DNAH9: variants seen among roughly 807,000 people sequenced by gnomAD.
DNAH9 encodes the protein DNAH9 variant protein.
Under a neutral mutation model 471.6 loss-of-function variants are expected in DNAH9, and 345 were observed. The ratio of observed to expected loss-of-function variants is 0.73; its 90% CI spans 0.67 to 0.80. The LOEUF (loss-of-function observed/expected upper bound fraction) is 0.80, where lower values mean the gene tolerates loss of function less well. DNAH9 is among the 30% of genes least tolerant of loss of function. The pLI is 0.00. For synonymous variants in DNAH9, 2,093 were observed against 2,123.6 expected, an observed-to-expected ratio of 0.99 and a Z score of 0.40; for missense variants, 5,407 against 5,609.2, an observed-to-expected ratio of 0.96 and a Z score of 1.15.
chr17:11,804,725 T>A (rs1186129342), intron 43 of DNAH9, among the ~76,000 whole-genome samples: 1 of 151,780 alleles, frequency 6.6e-6, no homozygotes, highest in Non-Finnish European at 1.5e-5. Context: ...AAACAAAAAA[T>A]TAGCCGAGCG....
intron 31 of DNAH9, among the ~76,000 whole-genome samples, chr17:11,745,419 C>T (rs978470810): frequency 6.6e-6 from 1 of 152,206 alleles, no homozygotes; most frequent in African/African-American, 2.4e-5. Flanking sequence ...AGAACCTCCA[C>T]TCAATCCTAC....
At chr17:11,729,770 TC>T (rs2075225687) in intron 28 of DNAH9, among the ~76,000 whole-genome samples, 1 of 152,220 alleles carries the variant, frequency 6.6e-6, no homozygotes, top group Admixed American at 6.5e-5. Context: ...GGAGCCAGCT[TC>T]CATCCACATA....
Position 11,669,676 on chromosome 17 carries a change from A to G in DNAH9, c.3235A>G (p.Lys1079Glu). The G allele has an allele frequency of 6.2e-7, 1 of 1,614,164 alleles. No individual in the cohort carries two copies. The highest frequency in any genetic ancestry group is 8.5e-7 in the Non-Finnish European group (1 of 1,180,012). The change falls in exon 17 of 69, where the codon AAG becomes GAG. Residue 1079 changes from lysine to glutamate, a missense_variant. By Grantham distance (56) the Lys-to-Glu change is moderately conservative (BLOSUM62 1). Coordinates refer to ENST00000262442, the MANE Select transcript of DNAH9 (RefSeq NM_001372.4). ...AGAGGTGTGCAGGCTGGAACCCATCAAGGTGTTTGACGGCTGGATGAAAAT... is the reference window on the plus strand; with the variant it reads ...AGAGGTGTGCAGGCTGGAACCCATCGAGGTGTTTGACGGCTGGATGAAAAT... ...YEEVCRLEPIKVFDGWMKIDI... is the reference protein window; with the variant it reads ...YEEVCRLEPIEVFDGWMKIDI...
chr17:11,688,095 AAAAAAG>A (rs1475939918), intron 19 of DNAH9, among the ~76,000 whole-genome samples: 67 of 143,490 alleles, frequency 4.7e-4, no homozygotes, highest in Non-Finnish European at 9.0e-4. Context: ...AAAAAAAAAA[AAAAAAG>A]AAAAAGCCAT....
Position 11,892,573 on chromosome 17 carries a change from T to G in DNAH9, c.11283+626T>G, listed in dbSNP as rs1442837391. 6.6e-6 allele frequency among the ~76,000 whole-genome samples: 1 copy of G among 152,168 alleles called. No individual in the cohort carries two copies. The highest frequency in any genetic ancestry group is 1.5e-5 in the Non-Finnish European group (1 of 68,026). On this transcript the variant is annotated intron_variant, in intron 58 of 68. Coordinates refer to ENST00000262442, the MANE Select transcript of DNAH9 (RefSeq NM_001372.4). This position sits in a 1 kb window ranked among gnomAD's most constrained non-coding sequence, Gnocchi z 4.3. ...TTACTTCCTTTTTTTTATTTTGAGA[T>G]GGAGTCTCACTCTGTTGTCCAGGCT...
chr17:11,930,178 G>C, intron 63 of DNAH9, 85 bp downstream of exon 63: 1 of 1,192,266 alleles, frequency 8.4e-7, no homozygotes, highest in Non-Finnish European at 1.2e-6. Flanking sequence ...ATGCAACTCA[G>C]AAGGGAGTCG....
Position 11,800,203 on chromosome 17 carries a change from G to A in DNAH9, c.8420+2410G>A, listed in dbSNP as rs1343298313. Among the ~76,000 whole-genome samples the A allele has an allele frequency of 2.0e-5, 3 of 151,940 alleles. No individual in the cohort carries two copies. The East Asian group carries it at 5.8e-4, about 29-fold the overall frequency. ...CGTCTTCCCGTCATCAAATCTAACA[G>A]CCTATGTGTATCCCTGCATCCCTCC... On this transcript the variant is annotated intron_variant, in intron 43 of 68. Coordinates refer to ENST00000262442, the MANE Select transcript of DNAH9 (RefSeq NM_001372.4).
At chr17:11,763,994 C>T (rs940195990) in intron 36 of DNAH9, among the ~76,000 whole-genome samples, 1 of 152,098 alleles carries the variant, frequency 6.6e-6, no homozygotes, top group Non-Finnish European at 1.5e-5. Context: ...TGGAAGGAAA[C>T]CCTTCAGTTT....
chr17:11,682,240 C>A (rs2074145694), intron 19 of DNAH9, among the ~76,000 whole-genome samples: 1 of 152,026 alleles, frequency 6.6e-6, no homozygotes, highest in Admixed American at 6.6e-5. Flanking sequence ...TAACTCCAAG[C>A]ATAATGCTTG....
rs771543763 is a variant in DNAH9 at position 11,783,740 on chromosome 17, C to T, written c.7813C>T (p.Arg2605Trp). 1.1e-5 allele frequency: 17 copies of T among 1,613,940 alleles called. No homozygotes were observed. Among genetic ancestry groups the T allele is most frequent in the South Asian group, 2.2e-5 (2 of 91,070 alleles). ...PTAGSFTINP[R>W]LQRHFSVFVL... ...GGCAGGCAGCTTCACCATCAACCCC[C>T]GGCTTCAGGTACAGGAGGAGCCATG... Residue 2605 changes from arginine to tryptophan, a missense_variant, in exon 40 of 69, where the codon CGG becomes TGG. This residue lies in a region of DNAH9 where 4,636 missense variants were observed against 4,900.3 expected (regional missense o/e 0.95). Transcript: ENST00000262442.
chr17:11,874,255 A>AAAAAT (rs1226731626), intron 52 of DNAH9, among the ~76,000 whole-genome samples: 1 of 151,754 alleles, frequency 6.6e-6, no homozygotes, highest in African/African-American at 2.4e-5. Flanking sequence ...AAAAAAAAAA[A>AAAAAT]AAAAGAACTG....
chr17:11,657,755 T>C (rs1175560896), intron 14 of DNAH9, among the ~76,000 whole-genome samples: 2 of 152,028 alleles, frequency 1.3e-5, no homozygotes, highest in Non-Finnish European at 2.9e-5. Flanking sequence ...TTGTTTTCCA[T>C]AGTAACATCT....
At chr17:11,747,807 T>A in intron 32 of DNAH9, 41 bp downstream of exon 32, 2 of 1,551,218 alleles carry the variant, frequency 1.3e-6, no homozygotes, top group Non-Finnish European at 1.8e-6. Flanking sequence ...TCTGCTAGCC[T>A]CAGAGTCCCT....
In DNAH9 at chr17:11,623,652, C is replaced by A. The variant is rs534989147; in HGVS notation, c.1350+3871C>A. On this transcript the variant is annotated intron_variant, in intron 6 of 68. Coordinates refer to ENST00000262442, the MANE Select transcript of DNAH9 (RefSeq NM_001372.4). This position sits in a 1 kb window ranked among gnomAD's most constrained non-coding sequence, Gnocchi z 4.1. ...TTCTGTGTATCTCTGTGATCGATGCCTGATTGAAATGGGATTAATCTGCTC... is the reference window on the plus strand; with the variant it reads ...TTCTGTGTATCTCTGTGATCGATGCATGATTGAAATGGGATTAATCTGCTC... Among the ~76,000 whole-genome samples, 1 of 152,096 alleles carries A rather than the reference C, an allele frequency of 6.6e-6. No homozygotes were observed. The highest frequency in any genetic ancestry group is 1.5e-5 in the Non-Finnish European group (1 of 68,018).
chr17:11,756,676 G>C lies in DNAH9; in HGVS notation c.6847G>C (p.Gly2283Arg), dbSNP rs1967405121. ...CACTCCAGCAACTGTCTCTAGAGCA[G>C]GTACGGCCCAAGAAGGGAAGAACCA... Reference protein sequence around the residue: ...TATPATVSRAGILYINPADLG... With the variant: ...TATPATVSRARILYINPADLG... Residue 2283 changes from glycine to arginine, a missense_variant and splice_region_variant, in exon 34 of 69, where the codon GGG becomes CGG. Transcript: ENST00000262442. 3.1e-6 allele frequency: 5 copies of C among 1,594,074 alleles called. No homozygotes were observed. The highest frequency in any genetic ancestry group is 4.3e-6 in the Non-Finnish European group (5 of 1,161,724).
chr17:11,823,642 C>G (rs971841669), intron 48 of DNAH9, among the ~76,000 whole-genome samples: 3 of 152,132 alleles, frequency 2.0e-5, no homozygotes, highest in African/African-American at 7.2e-5. Flanking sequence ...GGAAAGAAGG[C>G]CCCTGTCGGC....
At chr17:11,830,514 A>T (rs1970649025) in intron 48 of DNAH9, among the ~76,000 whole-genome samples, 1 of 152,220 alleles carries the variant, frequency 6.6e-6, no homozygotes, top group Non-Finnish European at 1.5e-5. Flanking sequence ...ATGATGTACT[A>T]GGATTCTTTT....
intron 67 of DNAH9, among the ~76,000 whole-genome samples, chr17:11,958,565 G>A (rs1975799237): frequency 6.6e-6 from 1 of 152,026 alleles, no homozygotes; most frequent in African/African-American, 2.4e-5. Flanking sequence ...GGTAAACTAC[G>A]GACTCTGAGT....
intron 18 of DNAH9, 114 bp downstream of exon 18, chr17:11,680,093 C>T (rs1294586186): frequency 2.1e-5 from 17 of 795,474 alleles, no homozygotes; most frequent in Admixed American, 1.0e-4. Context: ...CTGCAAGATC[C>T]GTGTTTTGGA....
Sources: allele counts gnomAD v4.1 joint callset (sites outside exome capture counted in the v4.1 genomes callset), GRCh38; gene constraint gnomAD v4.1.1; regional missense constraint gnomAD v4.1.1; non-coding constraint Gnocchi (gnomAD v3.1); transcripts MANE v1.5; gene names NCBI Gene and HGNC (gene_info 2026-07-23, HGNC 2026-07-21).